AGR3: variants seen among roughly 807,000 people sequenced by gnomAD.
AGR3 encodes anterior gradient 3, protein disulphide isomerase family member, also known as anterior gradient protein 3.
AGR3 carries 37 observed loss-of-function variants against 24.5 expected under a neutral mutation model. That is an observed-to-expected ratio of 1.51 (90% CI 1.16 to 1.99). The LOEUF is 1.99. Among genes scored for constraint, AGR3 ranks in the 30% most tolerant of loss-of-function variants. AGR3 has a pLI of 0.00. For missense variants in AGR3, 228 were observed against 191.1 expected, an observed-to-expected ratio of 1.19 and a Z score of -1.14; for synonymous variants, 75 against 61.6, an observed-to-expected ratio of 1.22 and a Z score of -1.02.
chr7:16,880,005 A>G lies in AGR3; in HGVS notation c.-27-1360T>C, dbSNP rs115025737. Among the ~76,000 whole-genome samples the G allele has an allele frequency of 4.0e-3, 587 of 147,956 alleles. 6 individuals are homozygous for G. Among genetic ancestry groups the G allele is most frequent in the African/African-American group, 0.015 (559 of 38,524 alleles). The stretch of plus-strand genomic sequence containing the variant: ...TGAAAATAGTTACCACTCCAGGTTA[A>G]CCTTACTTTATTTCCCTCCCTAATC... On this transcript the variant is annotated intron_variant, in intron 1 of 7. Transcript: ENST00000310398.
At chr7:16,857,989 T>TTA (rs1781576454), downstream of AGR3, among the ~76,000 whole-genome samples, 1 of 125,514 alleles carries the variant, frequency 8.0e-6, no homozygotes, top group African/African-American at 3.6e-5. Context: ...CTAAAACATT[T>TTA]TCTTTTTTTT....
intron 3 of AGR3, among the ~76,000 whole-genome samples, chr7:16,870,810 G>T (rs976816462): frequency 1.3e-5 from 2 of 151,928 alleles, no homozygotes; most frequent in African/African-American, 4.8e-5. Context: ...TTGTTTGTTT[G>T]TTACACCGAT....
chr7:16,876,930 T>G (rs569394995), intron 2 of AGR3, among the ~76,000 whole-genome samples: 1 of 152,272 alleles, frequency 6.6e-6, no homozygotes, highest in Admixed American at 6.5e-5. Flanking sequence ...ACTAGTTTAG[T>G]CTTTGTCACT....
Position 16,878,543 on chromosome 7 carries a change from T to A in AGR3, c.76A>T (p.Lys26Ter), listed in dbSNP as rs745676736. ...VSSNLAIAIK[K>*]EKRPPQTLSR... ...AGTGTCTGAGGAGGCCTCTTTTCCT[T>A]TTTTATTGCAATGGCAAGGTTGGAA... The change falls in exon 2 of 8, where the codon AAG (lysine) becomes TAG (stop). Residue 26 changes from lysine (K) to a stop codon, truncating the protein, a stop_gained. Transcript: ENST00000310398. LOFTEE classifies it high-confidence loss of function. 1.2e-6 allele frequency: 2 copies of A among 1,614,114 alleles called. No homozygotes were observed. Among genetic ancestry groups the A allele is most frequent in the East Asian group, 4.5e-5 (2 of 44,860 alleles).
chr7:16,868,343 T>TG (rs1252813322), intron 3 of AGR3, among the ~76,000 whole-genome samples: 2 of 152,048 alleles, frequency 1.3e-5, no homozygotes, highest in African/African-American at 4.8e-5. Context: ...TTAGTAGAGA[T>TG]GGGGTTTCTC....
chr7:16,860,147 T>C (rs1295113882), intron 7 of AGR3, among the ~76,000 whole-genome samples: 2 of 152,072 alleles, frequency 1.3e-5, no homozygotes, highest in African/African-American at 4.8e-5. Context: ...TCCTTGCTTA[T>C]AGGCATTAAA....
chr7:16,864,871 A>G, intron 3 of AGR3: 1 of 866,418 alleles, frequency 1.2e-6, no homozygotes, highest in East Asian at 2.4e-5. Context: ...GTCACCACTG[A>G]GGATACCTGC....
chr7:16,868,047 T>C (rs1290708152), intron 3 of AGR3, among the ~76,000 whole-genome samples: 1 of 152,204 alleles, frequency 6.6e-6, no homozygotes, highest in Non-Finnish European at 1.5e-5. Flanking sequence ...ATCTTTTTGA[T>C]AATAGCCTTT....
chr7:16,872,126 A>G (rs1477136750), intron 3 of AGR3, among the ~76,000 whole-genome samples: 1 of 152,170 alleles, frequency 6.6e-6, no homozygotes, highest in Admixed American at 6.5e-5. Context: ...GTATAGAACC[A>G]CAACAGACTC....
In AGR3 at chr7:16,880,070, TCC is replaced by T. The variant is rs757232359; in HGVS notation, c.-27-1427_-27-1426del. 6.6e-5 allele frequency among the ~76,000 whole-genome samples: 9 copies of T among 136,410 alleles called. 1 individual carries two copies. Among genetic ancestry groups the T allele is most frequent in the African/African-American group, 1.7e-4 (6 of 35,882 alleles). The allele number at this position is 136,410 out of a possible 152,430, so 89.5% of individuals were successfully genotyped here. A position where few individuals can be genotyped will look rare whatever the true frequency, so the allele number is the denominator to read the frequency against. Reference sequence around the variant, plus strand: ...CCTCCTTCCCTTCCCCTTCCTTCCTTCCCCTTCCTTCTTTCCCCTTCCTTCCT... The same window carrying T: ...CCTCCTTCCCTTCCCCTTCCTTCCTTCCTTCCTTCTTTCCCCTTCCTTCCT... On this transcript the variant is annotated intron_variant, in intron 1 of 7. Coordinates refer to ENST00000310398, the MANE Select transcript of AGR3 (RefSeq NM_176813.5).
intron 1 of AGR3, among the ~76,000 whole-genome samples, chr7:16,881,707 T>C (rs2115322397): frequency 6.6e-6 from 1 of 152,334 alleles, no homozygotes; most frequent in Middle Eastern, 3.4e-3. Context: ...GTAGAATACT[T>C]TTCAAAGAGT....
At chr7:16,861,762 A>C (rs1781648249) in intron 5 of AGR3, among the ~76,000 whole-genome samples, 1 of 151,966 alleles carries the variant, frequency 6.6e-6, no homozygotes, top group Non-Finnish European at 1.5e-5. Context: ...TTAGCTGGGC[A>C]TGGTGGCAGG....
chr7:16,862,608 A>T lies in AGR3; in HGVS notation c.226+2T>A. 4 of 1,509,602 alleles carry T rather than the reference A, an allele frequency of 2.6e-6. No homozygotes were observed. Among genetic ancestry groups the T allele is most frequent in the Non-Finnish European group, 3.5e-6 (4 of 1,133,614 alleles). The allele number at this position is 1,509,602 out of a possible 1,614,324, so 93.5% of individuals were successfully genotyped here. ...TAATAAGATATCAGGGGCTAAAATTACCTTGAGAGTATTGACAATCCTCCA... is the reference window on the plus strand; with the variant it reads ...TAATAAGATATCAGGGGCTAAAATTTCCTTGAGAGTATTGACAATCCTCCA... On this transcript the variant is annotated splice_donor_variant, in intron 4 of 7. Coordinates refer to ENST00000310398, the MANE Select transcript of AGR3 (RefSeq NM_176813.5). LOFTEE classifies it high-confidence loss of function.
rs75080121 is a variant in AGR3 at position 16,859,517 on chromosome 7, A to T, written c.*65T>A. On this transcript the variant is annotated 3_prime_UTR_variant, in exon 8 of 8. Coordinates refer to ENST00000310398, the MANE Select transcript of AGR3 (RefSeq NM_176813.5). ...ATACTTGCACATTTAGTATTTGTCA[A>T]TGTGCCAGAGGTTTTCTTCATGAAA... The T allele has an allele frequency of 4.5e-3, 4,961 of 1,097,000 alleles. 156 individuals are homozygous for T. In the African/African-American group the frequency reaches 0.068, roughly 15 times the overall value. 68.0% of individuals were successfully genotyped at this position (1,097,000 alleles called of 1,614,324 possible). A position where few individuals can be genotyped will look rare whatever the true frequency, so the allele number is the denominator to read the frequency against.
At chr7:16,877,811 C>T (rs920435653) in intron 2 of AGR3, among the ~76,000 whole-genome samples, 2 of 142,342 alleles carry the variant, frequency 1.4e-5, no homozygotes, top group East Asian at 2.0e-4. Context: ...TGCAGTGAGC[C>T]AAGATCGTGC....
intron 2 of AGR3, among the ~76,000 whole-genome samples, chr7:16,877,596 G>C (rs1318204877): frequency 6.6e-6 from 1 of 151,858 alleles, no homozygotes; most frequent in African/African-American, 2.4e-5. Flanking sequence ...GGGCGCGGTG[G>C]CTCACGCCTG....
At chr7:16,880,470 C>CCCCTCCTTTCCCCTCCTTTCCCCTCCTT (rs1782089630) in intron 1 of AGR3, among the ~76,000 whole-genome samples, 30 of 47,680 alleles carry the variant, frequency 6.3e-4, no homozygotes, top group African/African-American at 2.0e-3. Flanking sequence ...CTCCTTTCCT[C>CCCCTCCTTTCCCCTCCTTTCCCCTCCTT]TCCCCTCCTT....
chr7:16,857,799 A>G (rs10225793), downstream of AGR3, among the ~76,000 whole-genome samples: 58,556 of 151,916 alleles, frequency 0.39, 11,965 homozygotes, highest in African/African-American at 0.54. Flanking sequence ...CAGAATAGTG[A>G]TCAAATAAGA....
intron 2 of AGR3, among the ~76,000 whole-genome samples, chr7:16,875,159 A>T (rs541071467): frequency 6.6e-6 from 1 of 151,800 alleles, no homozygotes; most frequent in Non-Finnish European, 1.5e-5. Flanking sequence ...TGCTTTTTTC[A>T]GTATATCCAC....
Sources: allele counts gnomAD v4.1 joint callset (sites outside exome capture counted in the v4.1 genomes callset), GRCh38; gene constraint gnomAD v4.1.1; transcripts MANE v1.5; gene names NCBI Gene and HGNC (gene_info 2026-07-23, HGNC 2026-07-21).